VMP1: variants seen among roughly 807,000 people sequenced by gnomAD.
The protein encoded by VMP1 is vacuole membrane protein 1, also known as ectopic P-granules autophagy protein 3 homolog.
In VMP1, 11 loss-of-function variants were observed where a neutral mutation model predicts 56.0. The observed-to-expected ratio is 0.20, with a 90% CI of 0.12 to 0.32. The LOEUF (loss-of-function observed/expected upper bound fraction) is 0.32. Among genes scored for constraint, VMP1 ranks in the 10% least tolerant of loss-of-function variants. The probability of loss-of-function intolerance (pLI) is 1.00; values close to 1 mark genes in which losing one functional copy is unlikely to be tolerated. For missense variants in VMP1, 296 were observed against 490.3 expected (o/e 0.60, Z 3.74); for synonymous variants, 149 against 165.0 (o/e 0.90, Z 0.74).
chr17:59,783,090 G>A (rs926232328), intron 7 of VMP1, among the ~76,000 whole-genome samples: 3 of 152,142 alleles, frequency 2.0e-5, no homozygotes, highest in Admixed American at 6.6e-5. Flanking sequence ...CAGCTACTCC[G>A]GAGGCTGAGG....
chr17:59,837,807 AG>A (rs1372553982), intron 10 of VMP1: 1 of 152,324 alleles, frequency 6.6e-6, no homozygotes, highest in Non-Finnish European at 1.5e-5. Flanking sequence ...AGTCAGAGAG[AG>A]GGCGGGCAGT....
intron 10 of VMP1, among the ~76,000 whole-genome samples, chr17:59,835,713 C>T (rs1303580754): frequency 6.6e-6 from 1 of 150,548 alleles, no homozygotes; most frequent in Non-Finnish European, 1.5e-5. Context: ...TGGTCTCGAA[C>T]TCCCGACCTC....
chr17:59,812,596 T>C (rs572677503), intron 9 of VMP1, among the ~76,000 whole-genome samples: 84 of 152,342 alleles, frequency 5.5e-4, no homozygotes, highest in African/African-American at 2.0e-3. Flanking sequence ...GAATTTGTTT[T>C]ATATCAGTAT....
chr17:59,728,416 C>A (rs2034690871), intron 1 of VMP1, among the ~76,000 whole-genome samples: 1 of 151,936 alleles, frequency 6.6e-6, no homozygotes, highest in South Asian at 2.1e-4. Context: ...AATTTTCTTT[C>A]TTAATAATAT....
chr17:59,719,875 T>A (rs1342625917), intron 1 of VMP1, among the ~76,000 whole-genome samples: 1 of 152,226 alleles, frequency 6.6e-6, no homozygotes, highest in Non-Finnish European at 1.5e-5. Flanking sequence ...TAACTCTGTT[T>A]TAAATGCTTC....
At chr17:59,721,154 T>C (rs896164023) in intron 1 of VMP1, among the ~76,000 whole-genome samples, 3 of 151,992 alleles carry the variant, frequency 2.0e-5, no homozygotes, top group Non-Finnish European at 4.4e-5. Context: ...GAGATCTGCC[T>C]GGCCAACATG....
intron 10 of VMP1, among the ~76,000 whole-genome samples, chr17:59,825,318 C>T (rs1422486282): frequency 1.3e-5 from 2 of 151,732 alleles, no homozygotes; most frequent in African/African-American, 4.8e-5. Context: ...ATGATCCACC[C>T]GCCTTGGCAT....
chr17:59,804,745 C>G (rs939740826), intron 7 of VMP1, among the ~76,000 whole-genome samples: 1 of 151,254 alleles, frequency 6.6e-6, no homozygotes, highest in Admixed American at 6.6e-5. Flanking sequence ...CAGTGCTTTC[C>G]TGGTTTTGTT....
At chr17:59,791,184 CTTTTTT>C (rs200633751) in intron 7 of VMP1, among the ~76,000 whole-genome samples, 41 of 133,638 alleles carry the variant, frequency 3.1e-4, no homozygotes, top group Admixed American at 5.4e-4. Context: ...TCCCAGTTCC[CTTTTTT>C]TTTTTTTTTT....
At chr17:59,792,737 T>C (rs1389705751) in intron 7 of VMP1, among the ~76,000 whole-genome samples, 3 of 151,350 alleles carry the variant, frequency 2.0e-5, no homozygotes, top group Non-Finnish European at 4.4e-5. Flanking sequence ...TAATCCCAGC[T>C]ACTCAGGAGG....
chr17:59,812,305 G>C (rs1042797467), intron 9 of VMP1, among the ~76,000 whole-genome samples: 2 of 152,166 alleles, frequency 1.3e-5, no homozygotes, highest in African/African-American at 4.8e-5. Context: ...AGTGTGGGAG[G>C]AGAATGGGGA....
intron 10 of VMP1, among the ~76,000 whole-genome samples, chr17:59,835,476 T>C (rs1356157763): frequency 1.3e-5 from 2 of 150,904 alleles, no homozygotes; most frequent in South Asian, 4.2e-4. Context: ...AAAGTTCTTA[T>C]AAATATGCAG....
chr17:59,797,086 C>T (rs1049285969), intron 7 of VMP1, among the ~76,000 whole-genome samples: 6 of 151,928 alleles, frequency 3.9e-5, no homozygotes, highest in African/African-American at 1.5e-4. Flanking sequence ...GTAATCCTAC[C>T]ACTTTGGGAG....
intron 3 of VMP1, among the ~76,000 whole-genome samples, chr17:59,736,924 C>T (rs1459575052): frequency 6.6e-6 from 1 of 151,990 alleles, no homozygotes; most frequent in Admixed American, 6.6e-5. Context: ...ACCTATAGTC[C>T]TAGCAACTTG....
intron 6 of VMP1, among the ~76,000 whole-genome samples, chr17:59,766,623 G>A (rs143998539): frequency 3.3e-5 from 5 of 152,244 alleles, no homozygotes; most frequent in African/African-American, 7.2e-5. Context: ...TATAGTGAAC[G>A]TATCAGGCTG....
chr17:59,798,661 C>T (rs1284199579), intron 7 of VMP1, among the ~76,000 whole-genome samples: 2 of 152,140 alleles, frequency 1.3e-5, no homozygotes, highest in African/African-American at 2.4e-5. Flanking sequence ...CCAAGGCAGG[C>T]GGATCACCTG....
intron 9 of VMP1, among the ~76,000 whole-genome samples, chr17:59,814,173 T>C (rs2038148429): frequency 6.6e-6 from 1 of 152,150 alleles, no homozygotes; most frequent in Non-Finnish European, 1.5e-5. Context: ...AGAGATAGGG[T>C]TCACCATATT....
At chr17:59,801,371 G>A (rs931446079) in intron 7 of VMP1, among the ~76,000 whole-genome samples, 4 of 150,846 alleles carry the variant, frequency 2.7e-5, no homozygotes, top group African/African-American at 7.3e-5. Context: ...TCAGTATCCC[G>A]AGTAACTGGG....
chr17:59,823,596 A>G (rs1205639761), intron 10 of VMP1, among the ~76,000 whole-genome samples: 2 of 151,598 alleles, frequency 1.3e-5, no homozygotes, highest in East Asian at 3.9e-4. Flanking sequence ...AAAAATACAA[A>G]AAAAAATTAG....
Sources: allele counts gnomAD v4.1 joint callset (sites outside exome capture counted in the v4.1 genomes callset), GRCh38; gene constraint gnomAD v4.1.1; transcripts MANE v1.5; gene names NCBI Gene and HGNC (gene_info 2026-07-23, HGNC 2026-07-21).